The following BNC2 variants were observed in gnomAD, a reference collection of about 807,000 sequenced individuals.
BNC2 encodes the protein basonuclin zinc finger protein 2.
BNC2 carries 20 observed loss-of-function variants against 76.3 expected under a neutral mutation model. The ratio of observed to expected loss-of-function variants is 0.26; its 90% CI spans 0.18 to 0.38. BNC2 has a LOEUF of 0.38. Among genes scored for constraint, BNC2 ranks in the 10% least tolerant of loss-of-function variants. BNC2 has a pLI of 1.00. For missense variants in BNC2, 1,382 were observed against 1,399.8 expected (o/e 0.99, Z 0.20); for synonymous variants, 582 against 514.8 (o/e 1.13, Z -1.77).
At chr9:16,450,227 A>C (rs1821313263) in intron 5 of BNC2, among the ~76,000 whole-genome samples, 1 of 152,226 alleles carries the variant, frequency 6.6e-6, no homozygotes, top group Non-Finnish European at 1.5e-5. Context: ...CATCACAGTG[A>C]CCACATCTGC....
At chr9:16,422,237 G>A (rs1352138548) in intron 6 of BNC2, among the ~76,000 whole-genome samples, 2 of 152,146 alleles carry the variant, frequency 1.3e-5, no homozygotes, top group Non-Finnish European at 2.9e-5. Flanking sequence ...TCAACCAAAC[G>A]ATGTGCAGAA....
intron 2 of BNC2, among the ~76,000 whole-genome samples, chr9:16,731,425 T>C (rs977154690): frequency 1.3e-5 from 2 of 152,306 alleles, no homozygotes; most frequent in East Asian, 3.9e-4. Flanking sequence ...AAAGACATTG[T>C]GTGAATGTGA....
At chr9:16,714,621 G>A (rs1206385710) in intron 3 of BNC2, among the ~76,000 whole-genome samples, 1 of 152,170 alleles carries the variant, frequency 6.6e-6, no homozygotes, top group African/African-American at 2.4e-5. Flanking sequence ...AACTTGTTAT[G>A]TTTAAAACAC....
chr9:16,831,004 T>C (rs756745033), intron 1 of BNC2, among the ~76,000 whole-genome samples: 1 of 152,120 alleles, frequency 6.6e-6, no homozygotes, highest in South Asian at 2.1e-4. Flanking sequence ...TCGTGGAAAA[T>C]GTTTCATCCT....
intron 5 of BNC2, among the ~76,000 whole-genome samples, chr9:16,520,620 G>C (rs566476606): frequency 6.6e-6 from 1 of 152,276 alleles, no homozygotes; most frequent in South Asian, 2.1e-4. Flanking sequence ...AGAGAGTGTA[G>C]ACCAAGGGAG....
Position 16,498,858 on chromosome 9 carries a change from G to T in BNC2, c.669+53672C>A, listed in dbSNP as rs76618253. 8.9e-3 allele frequency among the ~76,000 whole-genome samples: 1,354 copies of T among 152,094 alleles called. 15 individuals are homozygous for T. Among genetic ancestry groups the T allele is most frequent in the Middle Eastern group, 0.037 (11 of 294 alleles). On this transcript the variant is annotated intron_variant, in intron 5 of 6. Coordinates refer to ENST00000380672, the MANE Select transcript of BNC2 (RefSeq NM_017637.6). ...CCTATTGTCCAATTCTCAGTGGCCCGCAGAGGAGGTGCGTGTCCCTGCCAG... is the reference window on the plus strand; with the variant it reads ...CCTATTGTCCAATTCTCAGTGGCCCTCAGAGGAGGTGCGTGTCCCTGCCAG...
chr9:16,678,323 G>GTT (rs1822720041), intron 3 of BNC2, among the ~76,000 whole-genome samples: 1 of 123,316 alleles, frequency 8.1e-6, no homozygotes, highest in African/African-American at 3.1e-5. Context: ...CTGTCGCCCA[G>GTT]GCTGGAGTGC....
At chr9:16,432,383 G>C (rs894104387) in intron 6 of BNC2, among the ~76,000 whole-genome samples, 2 of 152,124 alleles carry the variant, frequency 1.3e-5, no homozygotes, top group Non-Finnish European at 2.9e-5. Context: ...GGAAATCTTT[G>C]CTAATTAACT....
intron 1 of BNC2, among the ~76,000 whole-genome samples, chr9:16,845,221 A>ATTAATGT (rs1454777577): frequency 6.6e-6 from 1 of 152,184 alleles, no homozygotes; most frequent in Non-Finnish European, 1.5e-5. Flanking sequence ...TTAAAACCAA[A>ATTAATGT]CATACCTGCA....
At chr9:16,440,707 C>A (rs551239074) in intron 5 of BNC2, among the ~76,000 whole-genome samples, 2 of 152,278 alleles carry the variant, frequency 1.3e-5, no homozygotes, top group African/African-American at 4.8e-5. Flanking sequence ...CCTGGCCCAC[C>A]ACAATGCCCA....
chr9:16,791,227 A>G lies in BNC2; in HGVS notation c.4-52742T>C, dbSNP rs536296573. Reference sequence around the variant, plus strand: ...CAGGCACCCGCCACCATGCCTGGCTAATTTTTTGTATTTTTAGTAGAGACG... The same window carrying G: ...CAGGCACCCGCCACCATGCCTGGCTGATTTTTTGTATTTTTAGTAGAGACG... On this transcript the variant is annotated intron_variant, in intron 1 of 6. Transcript: ENST00000380672. Among the ~76,000 whole-genome samples the G allele has an allele frequency of 1.4e-4, 22 of 151,986 alleles. No homozygotes were observed. The South Asian group carries it at 1.9e-3, about 13-fold the overall frequency.
chr9:16,765,017 G>A (rs1450712089), intron 1 of BNC2, among the ~76,000 whole-genome samples: 1 of 151,966 alleles, frequency 6.6e-6, no homozygotes, highest in Non-Finnish European at 1.5e-5. Flanking sequence ...TTTTTTGGAA[G>A]GTTATATCTT....
chr9:16,501,664 A>C (rs141218691), intron 5 of BNC2, among the ~76,000 whole-genome samples: 1 of 152,300 alleles, frequency 6.6e-6, no homozygotes, highest in East Asian at 1.9e-4. Context: ...GATACATAGA[A>C]AATCTAAGAA....
intron 3 of BNC2, among the ~76,000 whole-genome samples, chr9:16,696,712 G>A (rs1823349508): frequency 6.6e-6 from 1 of 151,936 alleles, no homozygotes; most frequent in African/African-American, 2.4e-5. Context: ...AATTCATAAG[G>A]GCACCAGTGA....
chr9:16,593,818 T>C (rs991382143), intron 3 of BNC2, among the ~76,000 whole-genome samples: 1 of 151,792 alleles, frequency 6.6e-6, no homozygotes, highest in Non-Finnish European at 1.5e-5. Context: ...AGCTCGCCAT[T>C]AAAAAAAGAA....
intron 1 of BNC2, among the ~76,000 whole-genome samples, chr9:16,750,442 C>A (rs1825154800): frequency 6.6e-6 from 1 of 152,180 alleles, no homozygotes; most frequent in Non-Finnish European, 1.5e-5. Flanking sequence ...CATATCATTC[C>A]CCTTACAGAA....
intron 3 of BNC2, among the ~76,000 whole-genome samples, chr9:16,670,369 T>G (rs555199018): frequency 1.5e-4 from 23 of 152,284 alleles, no homozygotes; most frequent in Non-Finnish European, 3.1e-4. Flanking sequence ...AGGCTGGAAT[T>G]CAGGGCGCGA....
At chr9:16,688,797 T>C (rs1353472192) in intron 3 of BNC2, among the ~76,000 whole-genome samples, 1 of 152,180 alleles carries the variant, frequency 6.6e-6, no homozygotes. Context: ...TTCATTATCT[T>C]AGTACTGTAA....
Position 16,419,419 on chromosome 9 carries a change from T to G in BNC2, c.2870A>C (p.Tyr957Ser). The G allele has an allele frequency of 6.2e-7, 1 of 1,606,048 alleles. No individual in the cohort carries two copies. The highest frequency in any genetic ancestry group is 2.2e-5 in the East Asian group (1 of 44,782). Reference protein sequence around the residue: ...NGYGRGMAEDYMVLDLSTTSS... With the variant: ...NGYGRGMAEDSMVLDLSTTSS... The stretch of plus-strand genomic sequence containing the variant: ...GGTGGTGCTCAAGTCAAGGACCATG[T>G]AGTCCTCTGCCATGCCTCTCCCATA... Residue 957 changes from tyrosine (Y) to serine (S), a missense_variant, in exon 7 of 7, where the codon TAC (tyrosine) becomes TCC (serine). Tyr to Ser is a moderately radical substitution (Grantham distance 144). Transcript: ENST00000380672.
Sources: allele counts gnomAD v4.1 joint callset (sites outside exome capture counted in the v4.1 genomes callset), GRCh38; gene constraint gnomAD v4.1.1; transcripts MANE v1.5; gene names NCBI Gene and HGNC (gene_info 2026-07-23, HGNC 2026-07-21).